The following ACACA variants were observed in gnomAD, a reference collection of about 807,000 sequenced individuals.
ACACA encodes the protein acetyl-CoA carboxylase alpha.
A neutral mutation model predicts 296.1 loss-of-function variants in ACACA; 103 were observed. The observed-to-expected ratio is 0.35, with a 90% CI of 0.30 to 0.41. The LOEUF (loss-of-function observed/expected upper bound fraction) is 0.41. Among genes scored for constraint, ACACA ranks in the 10% least tolerant of loss-of-function variants. The probability of loss-of-function intolerance (pLI) is 1.00; values close to 1 mark genes in which losing one functional copy is unlikely to be tolerated. For synonymous variants in ACACA, 953 were observed against 1,038.6 expected, an observed-to-expected ratio of 0.92 and a Z score of 1.58; for missense variants, 1,554 against 2,989.7, an observed-to-expected ratio of 0.52 and a Z score of 11.20.
chr17:37,122,155 G>A (rs1203376753), intron 49 of ACACA, among the ~76,000 whole-genome samples: 1 of 152,088 alleles, frequency 6.6e-6, no homozygotes, highest in Non-Finnish European at 1.5e-5. Flanking sequence ...TGGTGTTCAC[G>A]CTTGGCATTA....
chr17:37,319,046 G>A (rs1463664772), intron 3 of ACACA, among the ~76,000 whole-genome samples: 1 of 151,946 alleles, frequency 6.6e-6, no homozygotes, highest in East Asian at 1.9e-4. Context: ...TTTTCCTTCT[G>A]TTTCTCTATA....
At chr17:37,206,906 C>T (rs2078526732) in intron 31 of ACACA, 27 bp from the exon 32 acceptor site, 2 of 1,567,990 alleles carry the variant, frequency 1.3e-6, no homozygotes, top group Non-Finnish European at 1.8e-6. Flanking sequence ...AAACACCCAC[C>T]ATGAAAACTC....
At chr17:37,260,210 G>GAC (rs1346069329) in intron 11 of ACACA, among the ~76,000 whole-genome samples, 1 of 118,702 alleles carries the variant, frequency 8.4e-6, no homozygotes, top group Non-Finnish European at 1.7e-5. Flanking sequence ...TGACAAACAG[G>GAC]ACACCAGCAT....
At chr17:37,126,086 A>T (rs2074770974) in intron 47 of ACACA, among the ~76,000 whole-genome samples, 1 of 152,228 alleles carries the variant, frequency 6.6e-6, no homozygotes, top group South Asian at 2.1e-4. Context: ...TTTTAAATAA[A>T]TAACTTGACT....
At chr17:37,281,183 C>T (rs922927923) in intron 5 of ACACA, among the ~76,000 whole-genome samples, 3 of 151,700 alleles carry the variant, frequency 2.0e-5, no homozygotes, top group Non-Finnish European at 4.4e-5. Context: ...GCCTCAGCTT[C>T]CGAGTAGCTG....
At chr17:37,288,082 T>A (rs887679486) in intron 3 of ACACA, among the ~76,000 whole-genome samples, 1 of 152,074 alleles carries the variant, frequency 6.6e-6, no homozygotes, top group East Asian at 1.9e-4. Context: ...GAAAACCAGG[T>A]TTCATGGTCA....
At chr17:37,119,589 AACACACACACAC>A (rs71368443) in intron 50 of ACACA, among the ~76,000 whole-genome samples, 19,063 of 128,306 alleles carry the variant, frequency 0.15, 1,507 homozygotes, top group East Asian at 0.31. Context: ...TTTTCAACCA[AACACACACACAC>A]ACACACACAC....
At chr17:37,381,848 C>T (rs11871270) in intron 1 of ACACA, among the ~76,000 whole-genome samples, 86,430 of 150,896 alleles carry the variant, frequency 0.57, 25,907 homozygotes, top group Non-Finnish European at 0.67. Flanking sequence ...AGGATGGTCT[C>T]GATCGCCTGA....
chr17:37,158,639 AAAC>A (rs1292073366), intron 42 of ACACA, among the ~76,000 whole-genome samples: 1 of 152,098 alleles, frequency 6.6e-6, no homozygotes, highest in Non-Finnish European at 1.5e-5. Context: ...CAAAAAAACA[AAAC>A]AAAACAAAAA....
chr17:37,271,706 G>A (rs993778440), intron 9 of ACACA, among the ~76,000 whole-genome samples: 5 of 150,400 alleles, frequency 3.3e-5, no homozygotes, highest in Non-Finnish European at 7.4e-5. Context: ...GTAGTGGCTC[G>A]TGCCTGTAAT....
Position 37,161,895 on chromosome 17 carries a change from T to C in ACACA, c.5235A>G (p.Ala1745=), listed in dbSNP as rs771396245. 1.2e-5 allele frequency: 20 copies of C among 1,614,218 alleles called. No homozygotes were observed. In the East Asian group the frequency reaches 3.8e-4, roughly 31 times the overall value. Residue 1745 remains alanine, a synonymous_variant, in exon 42 of 56, where the codon GCA becomes GCG. Transcript: ENST00000616317. ...ATACATAGATGCGTGGAATACCTTC[T>C]GCCCTAGCAAGTTCGGAAGCTCTGA... is the stretch of plus-strand genomic sequence containing the variant. The part of the protein sequence containing the change: ...LFLRASELAR[A]EGIPRIYVSA...
intron 1 of ACACA, among the ~76,000 whole-genome samples, chr17:37,374,478 A>C (rs992011751): frequency 1.3e-5 from 2 of 151,608 alleles, no homozygotes; most frequent in African/African-American, 4.8e-5. Flanking sequence ...GTAGAGATGG[A>C]GTTTCTCCAT....
chr17:37,260,912 G>A (rs1165115012), intron 11 of ACACA, among the ~76,000 whole-genome samples: 1 of 152,046 alleles, frequency 6.6e-6, no homozygotes, highest in Admixed American at 6.6e-5. Context: ...GGACCTTTTT[G>A]TTATAGCAGT....
chr17:37,382,581 G>A (rs533181150), intron 1 of ACACA, among the ~76,000 whole-genome samples: 23 of 152,220 alleles, frequency 1.5e-4, no homozygotes, highest in East Asian at 5.8e-4. Flanking sequence ...ACTCAAAAGC[G>A]TCAGGTGCGG....
At position 37,283,411 on chromosome 17, in the gene ACACA, A is replaced by G. The variant is rs2082633045; in HGVS notation, c.472-6T>C. The G allele has an allele frequency of 6.2e-7, 1 of 1,614,018 alleles. No individual in the cohort carries two copies. Among genetic ancestry groups the G allele is most frequent in the Admixed American group, 1.7e-5 (1 of 60,020 alleles). On this transcript the variant is annotated splice_polypyrimidine_tract_variant and splice_region_variant and intron_variant, in intron 4 of 55. Coordinates refer to ENST00000616317, the MANE Select transcript of ACACA (RefSeq NM_198834.3). The stretch of plus-strand genomic sequence containing the variant: ...CCATTGTTAGCAATAAGAACCTGGG[A>G]GGGGGAAGGAGATGGGAATGGGAAG...
chr17:37,301,892 T>C (rs951422922), intron 3 of ACACA, among the ~76,000 whole-genome samples: 4 of 152,202 alleles, frequency 2.6e-5, no homozygotes, highest in Non-Finnish European at 1.5e-5. Flanking sequence ...TTATGATCAA[T>C]TTAAGGAGAA....
At chr17:37,227,587 G>A (rs570537026) in intron 25 of ACACA, among the ~76,000 whole-genome samples, 1 of 152,192 alleles carries the variant, frequency 6.6e-6, no homozygotes, top group African/African-American at 2.4e-5. Flanking sequence ...AAAATTTTTA[G>A]GCCGGGCGCT....
intron 1 of ACACA, among the ~76,000 whole-genome samples, chr17:37,405,137 C>T (rs1334075167): frequency 6.6e-6 from 1 of 152,172 alleles, no homozygotes; most frequent in Non-Finnish European, 1.5e-5. Flanking sequence ...TGCTCCTTCT[C>T]TCATTAAATG....
In ACACA at chr17:37,297,167, C is replaced by T. The variant is rs146738100; in HGVS notation, c.339-12197G>A. ...TATATAAAACACATTTAAGGCCGGGCGCGGTGGCTCACGCCTGTAATCCCA... is the reference window on the plus strand; with the variant it reads ...TATATAAAACACATTTAAGGCCGGGTGCGGTGGCTCACGCCTGTAATCCCA... On this transcript the variant is annotated intron_variant, in intron 3 of 55. Transcript: ENST00000616317. Among the ~76,000 whole-genome samples the T allele has an allele frequency of 3.2e-4, 48 of 151,376 alleles. 1 individual carries two copies. In the East Asian group the frequency reaches 8.9e-3, roughly 28 times the overall value.
Sources: gnomAD v4.1 joint callset for allele counts (sites outside exome capture counted in the v4.1 genomes callset) on GRCh38, gnomAD v4.1.1 for gene constraint, MANE v1.5 for transcripts, NCBI Gene and HGNC (gene_info 2026-07-23, HGNC 2026-07-21) for gene names.